GAS2L3: variants seen among roughly 807,000 people sequenced by gnomAD.
GAS2L3 encodes the protein GAS2-like protein 3.
In GAS2L3, 28 loss-of-function variants were observed where a neutral mutation model predicts 37.0. That is an observed-to-expected ratio of 0.76 (90% confidence interval 0.56 to 1.04). GAS2L3 has a LOEUF of 1.04. Among genes scored for constraint, GAS2L3 ranks in the 50% least tolerant of loss-of-function variants. The probability of loss-of-function intolerance (pLI) is 0.00; values close to 1 mark genes in which losing one functional copy is unlikely to be tolerated. For synonymous variants in GAS2L3, 290 were observed against 296.6 expected (o/e 0.98, Z 0.23); for missense variants, 793 against 817.6 (o/e 0.97, Z 0.37).
At chr12:100,578,990 C>T in intron 1 of GAS2L3, 1 of 873,016 alleles carries the variant, frequency 1.1e-6, no homozygotes, top group Non-Finnish European at 1.9e-6. Context: ...CATCCGTTAC[C>T]TCACTAATGA....
chr12:100,579,815 A>G, intron 1 of GAS2L3: 1 of 726,224 alleles, frequency 1.4e-6, no homozygotes, highest in East Asian at 2.4e-5. Flanking sequence ...TGTGTGAGGG[A>G]TTGGAAAAAG....
chr12:100,607,809 A>G (rs568803127), intron 5 of GAS2L3, among the ~76,000 whole-genome samples: 2 of 152,234 alleles, frequency 1.3e-5, no homozygotes, highest in Middle Eastern at 3.4e-3. Flanking sequence ...TTTGTCTGAT[A>G]GTATTCTTTC....
chr12:100,622,180 T>C (rs773467075), intron 8 of GAS2L3, 95 bp from the exon 9 acceptor site: 71 of 584,214 alleles, frequency 1.2e-4, no homozygotes, highest in Non-Finnish European at 1.9e-4. Flanking sequence ...ATTTTTATCT[T>C]TGAGTTTGGT....
Position 100,592,647 on chromosome 12 carries a change from A to T in GAS2L3, c.-31+791A>T, listed in dbSNP as rs193214467. On this transcript the variant is annotated intron_variant, in intron 2 of 9. Coordinates refer to ENST00000547754, the MANE Select transcript of GAS2L3 (RefSeq NM_174942.3). ...GGTCAAATTTCAGGTGGATGAGCAC[A>T]TTCTGTGTTTCCAACATTTTCCTCG... Among the ~76,000 whole-genome samples the T allele has an allele frequency of 2.0e-3, 312 of 152,230 alleles. 2 individuals carry two copies. The highest frequency in any genetic ancestry group is 7.1e-3 in the African/African-American group (296 of 41,562).
intron 1 of GAS2L3, among the ~76,000 whole-genome samples, chr12:100,585,976 C>T (rs1273421207): frequency 6.6e-6 from 1 of 152,144 alleles, no homozygotes; most frequent in Non-Finnish European, 1.5e-5. Flanking sequence ...ATCCACTTTT[C>T]CCCCTTTTCT....
chr12:100,615,915 A>T (rs369399487), intron 6 of GAS2L3, among the ~76,000 whole-genome samples: 1 of 152,056 alleles, frequency 6.6e-6, no homozygotes. Flanking sequence ...TGAAATTGGG[A>T]GGTGTGGGTC....
At chr12:100,587,189 A>G (rs370235203) in intron 1 of GAS2L3, among the ~76,000 whole-genome samples, 6 of 152,202 alleles carry the variant, frequency 3.9e-5, no homozygotes, top group African/African-American at 1.4e-4. Context: ...ACAATTCCAC[A>G]AGATAGAGAA....
At chr12:100,587,562 T>A (rs921668485) in intron 1 of GAS2L3, among the ~76,000 whole-genome samples, 3 of 152,058 alleles carry the variant, frequency 2.0e-5, no homozygotes, top group African/African-American at 7.2e-5. Flanking sequence ...CTCAGCAAAA[T>A]CGGCATACAA....
intron 5 of GAS2L3, among the ~76,000 whole-genome samples, chr12:100,603,585 G>A (rs1956019646): frequency 6.6e-6 from 1 of 151,656 alleles, no homozygotes; most frequent in Admixed American, 6.6e-5. Context: ...CCATTCTTTG[G>A]GTTGCTCTTC....
intron 1 of GAS2L3, among the ~76,000 whole-genome samples, chr12:100,588,250 G>A (rs11525608): frequency 0.16 from 24,475 of 151,782 alleles, 2,856 homozygotes; most frequent in East Asian, 0.48. Flanking sequence ...CATAAGTGTC[G>A]GCTGACTGAG....
At chr12:100,581,541 A>T (rs188302223) in intron 1 of GAS2L3, among the ~76,000 whole-genome samples, 2 of 152,392 alleles carry the variant, frequency 1.3e-5, no homozygotes, top group Non-Finnish European at 2.9e-5. Context: ...CTTTCTAAAA[A>T]GTAACATGTC....
chr12:100,586,755 C>CA (rs1264821568), intron 1 of GAS2L3, among the ~76,000 whole-genome samples: 3 of 151,442 alleles, frequency 2.0e-5, no homozygotes, highest in African/African-American at 7.3e-5. Flanking sequence ...GAAATTGAAA[C>CA]AAAAAAATAC....
chr12:100,583,140 AAGAATGGCACTCC>A (rs1955734813), intron 1 of GAS2L3, among the ~76,000 whole-genome samples: 1 of 152,228 alleles, frequency 6.6e-6, no homozygotes, highest in South Asian at 2.1e-4. Context: ...TAAAGGAATA[AAGAATGGCACTCC>A]ATAGGCAGAG....
At chr12:100,607,189 A>C (rs1956067451) in intron 5 of GAS2L3, among the ~76,000 whole-genome samples, 1 of 152,090 alleles carries the variant, frequency 6.6e-6, no homozygotes, top group South Asian at 2.1e-4. Context: ...GGATATTTTC[A>C]CTGGGTATGC....
chr12:100,585,541 A>G (rs181739860), intron 1 of GAS2L3, among the ~76,000 whole-genome samples: 2 of 152,238 alleles, frequency 1.3e-5, no homozygotes, highest in Non-Finnish European at 2.9e-5. Context: ...GGCGTGAGCC[A>G]CCACACCCAG....
At chr12:100,585,348 TG>T (rs1306139038) in intron 1 of GAS2L3, among the ~76,000 whole-genome samples, 1 of 151,670 alleles carries the variant, frequency 6.6e-6, no homozygotes, top group African/African-American at 2.4e-5. Flanking sequence ...CTGTGCCTCC[TG>T]GGTTCAAGCA....
intron 1 of GAS2L3, among the ~76,000 whole-genome samples, chr12:100,590,431 G>A (rs1408688386): frequency 6.6e-6 from 1 of 152,192 alleles, no homozygotes; most frequent in African/African-American, 2.4e-5. Context: ...ATGTTGGCAT[G>A]GATGCGGTGA....
At chr12:100,613,430 G>T (rs1339841890) in intron 6 of GAS2L3, among the ~76,000 whole-genome samples, 1 of 152,118 alleles carries the variant, frequency 6.6e-6, no homozygotes, top group Non-Finnish European at 1.5e-5. Flanking sequence ...AAGGAACTTA[G>T]AAGATATTTA....
Position 100,605,581 on chromosome 12 carries a change from G to A in GAS2L3, c.303+3828G>A, listed in dbSNP as rs184127454. On this transcript the variant is annotated intron_variant, in intron 5 of 9. Coordinates refer to ENST00000547754, the MANE Select transcript of GAS2L3 (RefSeq NM_174942.3). ...TTTAGTTCTTTAAGATGCATTGTTA[G>A]GTTATTTATTTTATGTTTTTCTTCT... Among the ~76,000 whole-genome samples the A allele has an allele frequency of 8.4e-4, 128 of 151,652 alleles. No homozygotes were observed. In the East Asian group the frequency reaches 0.021, roughly 25 times the overall value.
Sources: allele counts gnomAD v4.1 joint callset (sites outside exome capture counted in the v4.1 genomes callset), GRCh38; gene constraint gnomAD v4.1.1; transcripts MANE v1.5; gene names NCBI Gene and HGNC (gene_info 2026-07-23, HGNC 2026-07-21).